NLRC4: variants seen among roughly 807,000 people sequenced by gnomAD.
NLRC4 encodes the protein NLR family CARD domain containing 4.
A neutral mutation model predicts 79.9 loss-of-function variants in NLRC4; 63 were observed. The ratio of observed to expected loss-of-function variants is 0.79; its 90% CI spans 0.64 to 0.97. The LOEUF is 0.97. NLRC4 is among the 50% of genes least tolerant of loss of function. The pLI is 0.00. For missense variants in NLRC4, 1,074 were observed against 1,215.2 expected (o/e 0.88, Z 1.73); for synonymous variants, 461 against 456.5 (o/e 1.01, Z -0.12).
At position 32,224,496 on chromosome 2, in the gene NLRC4, C is replaced by T. The variant is rs1438338245; in HGVS notation, c.3052G>A (p.Ala1018Thr). 1.0e-5 allele frequency: 16 copies of T among 1,605,360 alleles called. No homozygotes were observed. The highest frequency in any genetic ancestry group is 1.4e-5 in the Non-Finnish European group (16 of 1,176,206). The change falls in exon 9 of 9, where the codon GCT (alanine) becomes ACT (threonine). Residue 1018 changes from alanine to threonine, a missense_variant. Transcript: ENST00000402280. Reference protein sequence around the residue: ...DDDDLSVITGAFKLVTA With the variant: ...DDDDLSVITGTFKLVTA ...ATTTAAGCAGTTACTAGTTTAAAAG[C>T]ACCTGTAATAACACTGAGATCATCA...
At chr2:32,225,752 T>G (rs1303936183) in intron 8 of NLRC4, among the ~76,000 whole-genome samples, 1 of 152,168 alleles carries the variant, frequency 6.6e-6, no homozygotes, top group Non-Finnish European at 1.5e-5. Context: ...ACTTACATGT[T>G]TATACTCCAG....
At chr2:32,244,066 A>G (rs770580671) in intron 4 of NLRC4, among the ~76,000 whole-genome samples, 44 of 152,302 alleles carry the variant, frequency 2.9e-4, no homozygotes, top group Admixed American at 8.5e-4. Context: ...CCTGGGCAAC[A>G]TAGCGAGAAC....
At chr2:32,240,074 G>A (rs984400828) in intron 5 of NLRC4, among the ~76,000 whole-genome samples, 4 of 152,164 alleles carry the variant, frequency 2.6e-5, no homozygotes, top group African/African-American at 4.8e-5. Context: ...TCCTCCTCCT[G>A]AGTTCAAGTG....
intron 5 of NLRC4, 24 bp downstream of exon 5, chr2:32,241,009 C>T (rs1364374470): frequency 1.4e-6 from 2 of 1,399,202 alleles, no homozygotes; most frequent in Non-Finnish European, 2.0e-6. Flanking sequence ...TACATTGATA[C>T]AAATATGAGA....
At chr2:32,231,684 C>T (rs1686542747) in intron 8 of NLRC4, among the ~76,000 whole-genome samples, 1 of 151,882 alleles carries the variant, frequency 6.6e-6, no homozygotes, top group African/African-American at 2.4e-5. Flanking sequence ...ATCCTCCCAC[C>T]TCAGCCTCCC....
At chr2:32,241,568 C>T (rs1372005705) in intron 4 of NLRC4, among the ~76,000 whole-genome samples, 3 of 151,776 alleles carry the variant, frequency 2.0e-5, no homozygotes, top group East Asian at 1.9e-4. Context: ...TTAGTAGAGA[C>T]GGGGTTTCAC....
intron 1 of NLRC4, among the ~76,000 whole-genome samples, chr2:32,258,008 G>A (rs987648409): frequency 7.2e-5 from 11 of 152,164 alleles, no homozygotes; most frequent in African/African-American, 2.4e-4. Flanking sequence ...TCTGTATTCC[G>A]GGGTTCTTGC....
In NLRC4 at chr2:32,256,894, C is replaced by A; in HGVS notation, c.-118-1G>T. On this transcript the variant is annotated splice_acceptor_variant, in intron 1 of 8. Transcript: ENST00000402280. LOFTEE classifies it low-confidence loss of function (5UTR_SPLICE). ...TTTTTCTGTAAAACTACTCTTCATT[C>A]TGTAAAACAAACAAAACAGAACCAG... The A allele has an allele frequency of 1.5e-6, 1 of 677,980 alleles. No homozygotes were observed. The highest frequency in any genetic ancestry group is 1.6e-5 in the South Asian group (1 of 61,870). The allele number at this position is 677,980 out of a possible 1,614,324, so 42.0% of individuals were successfully genotyped here. A position where few individuals can be genotyped will look rare whatever the true frequency, so the allele number is the denominator to read the frequency against.
chr2:32,261,571 A>G (rs1687351896), intron 1 of NLRC4, among the ~76,000 whole-genome samples: 1 of 148,592 alleles, frequency 6.7e-6, no homozygotes, highest in African/African-American at 2.5e-5. Flanking sequence ...CGGCCTCCCA[A>G]AGTGCTGGGA....
chr2:32,261,229 C>G (rs1234300742), intron 1 of NLRC4, among the ~76,000 whole-genome samples: 1 of 150,458 alleles, frequency 6.6e-6, no homozygotes, highest in East Asian at 2.0e-4. Context: ...TATTTCACCA[C>G]AAAACCACTC....
chr2:32,256,931 T>C lies in NLRC4; in HGVS notation c.-118-38A>G, dbSNP rs1687219319. The C allele has an allele frequency of 8.5e-6, 5 of 585,362 alleles. No individual in the cohort carries two copies. In the East Asian group the frequency reaches 1.4e-4, roughly 16 times the overall value. The allele number at this position is 585,362 out of a possible 1,614,324, so 36.3% of individuals were successfully genotyped here. A position where few individuals can be genotyped will look rare whatever the true frequency, so the allele number is the denominator to read the frequency against. ...CAAAACAGAACCAGAGACTATCAGG[T>C]GGAGGGGCTGATGCAATTATCTAGG... On this transcript the variant is annotated intron_variant, in intron 1 of 8. Transcript: ENST00000402280.
intron 4 of NLRC4, among the ~76,000 whole-genome samples, chr2:32,243,947 A>T (rs1193028245): frequency 1.3e-5 from 2 of 151,674 alleles, no homozygotes; most frequent in African/African-American, 4.8e-5. Flanking sequence ...GATGCAGAAA[A>T]CACATGTGAC....
rs1356908798 is a variant in NLRC4, at chr2:32,260,256, GTTTA to G, written c.-118-3367_-118-3364del. 3.9e-3 allele frequency among the ~76,000 whole-genome samples: 569 copies of G among 147,744 alleles called. 8 individuals carry two copies. The highest frequency in any genetic ancestry group is 0.014 in the African/African-American group (559 of 40,224). ...AAACAACGAAAAAAAAAAAACTAGA[GTTTA>G]TTTATCTATTCTCCTGTTGATGGAT... On this transcript the variant is annotated intron_variant, in intron 1 of 8. Transcript: ENST00000402280.
chr2:32,226,391 G>T (rs534640693), intron 8 of NLRC4, among the ~76,000 whole-genome samples: 1 of 152,274 alleles, frequency 6.6e-6, no homozygotes, highest in African/African-American at 2.4e-5. Context: ...CTTGAGTTTC[G>T]AAAGGTCTTC....
At chr2:32,255,786 G>A (rs575923757) in intron 2 of NLRC4, among the ~76,000 whole-genome samples, 5 of 151,998 alleles carry the variant, frequency 3.3e-5, no homozygotes, top group African/African-American at 4.8e-5. Context: ...AGGCCGAGGC[G>A]GGTGGATCAC....
At chr2:32,235,726 T>C (rs1686658089) in intron 7 of NLRC4, among the ~76,000 whole-genome samples, 158 bp from the exon 8 acceptor site, 1 of 150,918 alleles carries the variant, frequency 6.6e-6, no homozygotes, top group Non-Finnish European at 1.5e-5. Flanking sequence ...TTTTGGAAAG[T>C]ATTCAAGCAT....
At chr2:32,245,323 A>AC (rs1161610283) in intron 4 of NLRC4, among the ~76,000 whole-genome samples, 13 of 151,552 alleles carry the variant, frequency 8.6e-5, no homozygotes, top group Admixed American at 8.6e-4. Context: ...AAAAAAAAAA[A>AC]AAAAAAAAAA....
In NLRC4 at chr2:32,235,454, A is replaced by G; in HGVS notation, c.2729T>C (p.Val910Ala). 1 of 1,614,128 alleles carries G rather than the reference A, an allele frequency of 6.2e-7. No individual in the cohort carries two copies. The highest frequency in any genetic ancestry group is 8.5e-7 in the Non-Finnish European group (1 of 1,179,976). ...LKHLEEVPQL[V>A]KLGLKNWRLT... The stretch of plus-strand genomic sequence containing the variant: ...TCTCCAGTTTTTCAACCCAAGCTTG[A>G]CGAGTTGTGGGACCTCCTCCAAATG... Residue 910 changes from valine to alanine, a missense_variant, in exon 8 of 9, where the codon GTC becomes GCC. Val to Ala is a moderately conservative substitution (Grantham distance 64). Coordinates refer to ENST00000402280, the MANE Select transcript of NLRC4 (RefSeq NM_001199138.2).
Position 32,261,316 on chromosome 2 carries a change from C to CTTTTT in NLRC4, c.-119+3421_-119+3422insAAAAA, listed in dbSNP as rs751434892. Reference sequence around the variant, plus strand: ...TTCTTTCGCCTATTAAGCCTCCCCCCTTTTGTTTTTTTTTGAGATGGAGCC... The same window carrying CTTTTT: ...TTCTTTCGCCTATTAAGCCTCCCCCCTTTTTTTTTGTTTTTTTTTGAGATGGAGCC... On this transcript the variant is annotated intron_variant, in intron 1 of 8. Coordinates refer to ENST00000402280, the MANE Select transcript of NLRC4 (RefSeq NM_001199138.2). Among the ~76,000 whole-genome samples the CTTTTT allele has an allele frequency of 9.1e-4, 88 of 96,852 alleles. 5 individuals are homozygous for CTTTTT. Among genetic ancestry groups the CTTTTT allele is most frequent in the Admixed American group, 1.4e-3 (12 of 8,330 alleles). The allele number at this position is 96,852 out of a possible 152,430, so 63.5% of individuals were successfully genotyped here.
Sources: gnomAD v4.1 joint callset for allele counts (sites outside exome capture counted in the v4.1 genomes callset) on GRCh38, gnomAD v4.1.1 for gene constraint, MANE v1.5 for transcripts, NCBI Gene and HGNC (gene_info 2026-07-23, HGNC 2026-07-21) for gene names.